Variants in ALPK3 observed in about 807,000 individuals in gnomAD.
ALPK3 encodes the protein alpha-protein kinase 3.
A neutral mutation model predicts 140.0 loss-of-function variants in ALPK3; 102 were observed. The ratio of observed to expected loss-of-function variants is 0.73; its 90% confidence interval spans 0.62 to 0.86. ALPK3 has a LOEUF of 0.86. ALPK3 is among the 40% of genes least tolerant of loss of function. The pLI is 0.00. For synonymous variants in ALPK3, 938 were observed against 898.5 expected (o/e 1.04, Z -0.79); for missense variants, 2,254 against 2,208.2 (o/e 1.02, Z -0.42).
At chr15:84,849,364 A>G (rs1963774529) in intron 5 of ALPK3, among the ~76,000 whole-genome samples, 1 of 152,226 alleles carries the variant, frequency 6.6e-6, no homozygotes. Context: ...GAACTAGTAG[A>G]CAGAAAATCA....
chr15:84,829,913 G>C (rs1963528056), intron 3 of ALPK3, among the ~76,000 whole-genome samples: 1 of 152,180 alleles, frequency 6.6e-6, no homozygotes, highest in Admixed American at 6.5e-5. Context: ...TGAGGACATG[G>C]TTACTTCCTT....
chr15:84,849,333 CCTCT>C (rs1453632455), intron 5 of ALPK3, among the ~76,000 whole-genome samples: 1 of 152,100 alleles, frequency 6.6e-6, no homozygotes, highest in Non-Finnish European at 1.5e-5. Context: ...CTTTAACACT[CCTCT>C]CTCTCAGTAA....
At position 84,859,875 on chromosome 15, in the gene ALPK3, C is replaced by A. The variant is rs759570194; in HGVS notation, c.4065C>A (p.Ala1355=). The A allele has an allele frequency of 6.2e-7, 1 of 1,614,094 alleles. No homozygotes were observed. Among genetic ancestry groups the A allele is most frequent in the Admixed American group, 1.7e-5 (1 of 60,020 alleles). The change falls in exon 8 of 14, where the codon GCC becomes GCA. Residue 1355 remains alanine (A), a synonymous_variant. Transcript: ENST00000258888. The part of the protein sequence containing the change: ...RCTIHNEHGS[A]STDFCLSPEV... The stretch of plus-strand genomic sequence containing the variant: ...CCATCCACAATGAGCACGGCTCGGC[C>A]TCCACCGACTTCTGCCTCAGCCCTG...
Position 84,864,674 on chromosome 15 carries a change from G to C in ALPK3, c.4723+9G>C. On this transcript the variant is annotated intron_variant, in intron 12 of 13. Transcript: ENST00000258888. The stretch of plus-strand genomic sequence containing the variant: ...TGTCACAGACTTGGCAGGTACGAGG[G>C]TGTGAGGGTGCACGGGTACGCATGT... 6.2e-7 allele frequency: 1 copy of C among 1,612,782 alleles called. No homozygotes were observed. The highest frequency in any genetic ancestry group is 8.5e-7 in the Non-Finnish European group (1 of 1,178,784).
chr15:84,821,283 G>C (rs1963420067), intron 1 of ALPK3, among the ~76,000 whole-genome samples: 1 of 152,136 alleles, frequency 6.6e-6, no homozygotes, highest in African/African-American at 2.4e-5. Flanking sequence ...GAGAGGGCAG[G>C]GCGGTTGGTC....
chr15:84,844,612 T>C (rs1299576276), intron 5 of ALPK3, among the ~76,000 whole-genome samples: 1 of 151,806 alleles, frequency 6.6e-6, no homozygotes, highest in Non-Finnish European at 1.5e-5. Flanking sequence ...ATCCCAGCAC[T>C]TTGGGAGGCT....
intron 3 of ALPK3, among the ~76,000 whole-genome samples, chr15:84,836,709 T>C (rs1456953033): frequency 6.6e-6 from 1 of 152,200 alleles, no homozygotes; most frequent in East Asian, 1.9e-4. Context: ...ATGCCAGATA[T>C]GCAGTCAGAA....
chr15:84,855,392 G>C (rs959379345), intron 5 of ALPK3, among the ~76,000 whole-genome samples: 2 of 152,162 alleles, frequency 1.3e-5, no homozygotes, highest in Non-Finnish European at 1.5e-5. Flanking sequence ...TTTGGCAGCT[G>C]TTATCCTTTT....
intron 9 of ALPK3, among the ~76,000 whole-genome samples, chr15:84,862,273 A>G (rs986308744): frequency 5.3e-5 from 8 of 152,110 alleles, no homozygotes; most frequent in Non-Finnish European, 5.9e-5. Context: ...GAATTCCAAA[A>G]CAAAGTAATT....
At chr15:84,832,346 C>T (rs916707269) in intron 3 of ALPK3, among the ~76,000 whole-genome samples, 2 of 152,154 alleles carry the variant, frequency 1.3e-5, no homozygotes, top group African/African-American at 4.8e-5. Context: ...TTTGTTGCTC[C>T]TATTACTCTC....
At position 84,827,356 on chromosome 15, in the gene ALPK3, C is replaced by T. The variant is rs142926230; in HGVS notation, c.183-128C>T. ...CAAGCTGCCTTGAAGAAAGACTTGC[C>T]GGGGTGCTGCAGCTCTGGCCACAGG... On this transcript the variant is annotated intron_variant, in intron 2 of 13. Coordinates refer to ENST00000258888, the MANE Select transcript of ALPK3 (RefSeq NM_020778.5). The T allele has an allele frequency of 8.3e-4, 1,123 of 1,354,544 alleles. 9 individuals are homozygous for T. The African/African-American group carries it at 0.014, about 17-fold the overall frequency. 83.9% of individuals were successfully genotyped at this position (1,354,544 alleles called of 1,614,324 possible). A position where few individuals can be genotyped will look rare whatever the true frequency, so the allele number is the denominator to read the frequency against.
chr15:84,859,944 C>A, intron 8 of ALPK3, 41 bp downstream of exon 8: 1 of 1,613,832 alleles, frequency 6.2e-7, no homozygotes, highest in Non-Finnish European at 8.5e-7. Flanking sequence ...CCTGGCCTGG[C>A]TCCTGGTGGG....
intron 12 of ALPK3, among the ~76,000 whole-genome samples, chr15:84,865,765 C>T (rs997082713): frequency 2.6e-5 from 4 of 152,106 alleles, no homozygotes; most frequent in African/African-American, 9.7e-5. Flanking sequence ...TCGAAACCAG[C>T]CTGGCCAACA....
chr15:84,843,248 C>G (rs1227418694), intron 5 of ALPK3, among the ~76,000 whole-genome samples: 1 of 152,198 alleles, frequency 6.6e-6, no homozygotes, highest in Non-Finnish European at 1.5e-5. Flanking sequence ...AGGTGGCTCA[C>G]TTGAGGTTAG....
chr15:84,837,549 T>C (rs1007998814), intron 3 of ALPK3, among the ~76,000 whole-genome samples: 33 of 152,236 alleles, frequency 2.2e-4, no homozygotes, highest in African/African-American at 8.0e-4. Context: ...TGTGTCCTCA[T>C]AACCCTAACT....
intron 3 of ALPK3, among the ~76,000 whole-genome samples, chr15:84,828,863 C>T (rs1379845030): frequency 3.9e-5 from 6 of 152,212 alleles, no homozygotes; most frequent in Admixed American, 6.5e-5. Context: ...TGCTTTTGCT[C>T]TCCGGCATCT....
chr15:84,820,488 GT>G (rs919039631), intron 1 of ALPK3, among the ~76,000 whole-genome samples: 55 of 149,710 alleles, frequency 3.7e-4, no homozygotes, highest in African/African-American at 1.2e-3. Context: ...ATTTTAGTGT[GT>G]TTTTTTTTTG....
At chr15:84,838,639 T>TATTATTATTAC (rs58409462) in intron 3 of ALPK3, among the ~76,000 whole-genome samples, 1 of 16,604 alleles carries the variant, frequency 6.0e-5, no homozygotes, top group Admixed American at 4.9e-4. Context: ...TTATTATTAT[T>TATTATTATTAC]GAGATGGAGT....
rs116585466 is a variant in ALPK3 at position 84,868,452 on chromosome 15, G to A, written c.5114G>A (p.Arg1705Gln). Reference protein sequence around the residue: ...QEEGSKAQGMR With the variant: ...QEEGSKAQGMQ ...GAGGGCTCCAAGGCCCAGGGCATGC[G>A]GTAGCCTCCGCAGAGGCTGGGGGCC... Residue 1705 changes from arginine to glutamine, a missense_variant, in exon 14 of 14, where the codon CGG becomes CAG. This residue lies in a region of ALPK3 where 158 missense variants were observed against 159.8 expected (regional missense o/e 0.99). Transcript: ENST00000258888. 6.8e-5 allele frequency: 109 copies of A among 1,605,288 alleles called. 1 individual carries two copies. In the African/African-American group the frequency reaches 1.1e-3, roughly 16 times the overall value.
Sources: allele counts gnomAD v4.1 joint callset (sites outside exome capture counted in the v4.1 genomes callset), GRCh38; gene constraint gnomAD v4.1.1; regional missense constraint gnomAD v4.1.1; transcripts MANE v1.5; gene names NCBI Gene and HGNC (gene_info 2026-07-23, HGNC 2026-07-21).